SNX29: variants seen among roughly 807,000 people sequenced by gnomAD.
The protein encoded by SNX29 is sorting nexin 29.
A neutral mutation model predicts 102.1 loss-of-function variants in SNX29; 78 were observed. That is an observed-to-expected ratio of 0.76 (90% CI 0.64 to 0.92). SNX29 has a LOEUF of 0.92. Ranked by LOEUF, SNX29 falls within the 40% of genes least tolerant of loss-of-function variation. SNX29 has a pLI of 0.00. For synonymous variants in SNX29, 580 were observed against 414.5 expected (o/e 1.40, Z -4.85); for missense variants, 1,280 against 1,061.7 (o/e 1.21, Z -2.86).
At chr16:12,481,529 C>G (rs1204081605) in intron 19 of SNX29, among the ~76,000 whole-genome samples, 2 of 149,002 alleles carry the variant, frequency 1.3e-5, no homozygotes, top group Non-Finnish European at 3.0e-5. Flanking sequence ...CACACACACA[C>G]ACACACACAC....
At chr16:11,977,263 A>T (rs961523224) in intron 1 of SNX29, among the ~76,000 whole-genome samples, 14 of 152,034 alleles carry the variant, frequency 9.2e-5, no homozygotes, top group Non-Finnish European at 2.9e-5. Context: ...ACACAGGCAT[A>T]GTCTTTCTGG....
At chr16:12,486,786 C>A (rs1372872026) in intron 19 of SNX29, among the ~76,000 whole-genome samples, 1 of 152,216 alleles carries the variant, frequency 6.6e-6, no homozygotes, top group African/African-American at 2.4e-5. Context: ...CCGCCCACAC[C>A]CACCGCTCCA....
chr16:12,519,846 A>G (rs1487236675), intron 19 of SNX29, among the ~76,000 whole-genome samples: 1 of 152,070 alleles, frequency 6.6e-6, no homozygotes, highest in African/African-American at 2.4e-5. Context: ...TGTCTCTGTT[A>G]AAAATACAAA....
intron 18 of SNX29, among the ~76,000 whole-genome samples, chr16:12,409,585 C>T (rs558367517): frequency 1.2e-4 from 19 of 152,102 alleles, no homozygotes; most frequent in Admixed American, 4.6e-4. Flanking sequence ...CCTGTCACCA[C>T]GCCTGGCTAA....
At chr16:12,542,941 C>T (rs568126820) in intron 20 of SNX29, among the ~76,000 whole-genome samples, 4 of 152,164 alleles carry the variant, frequency 2.6e-5, no homozygotes, top group East Asian at 3.9e-4. Context: ...AGCCCTACTT[C>T]AAATTAGCTT....
intron 20 of SNX29, among the ~76,000 whole-genome samples, chr16:12,554,251 C>T (rs1032071689): frequency 2.0e-5 from 3 of 152,246 alleles, no homozygotes; most frequent in African/African-American, 4.8e-5. Flanking sequence ...GCTGCATCGT[C>T]TCTGCCTTTT....
Position 12,261,350 on chromosome 16 carries a change from C to G in SNX29, c.1679-16583C>G, listed in dbSNP as rs1022653942. Among the ~76,000 whole-genome samples the G allele has an allele frequency of 2.1e-5, 3 of 140,378 alleles. 1 individual carries two copies. Among genetic ancestry groups the G allele is most frequent in the African/African-American group, 8.3e-5 (3 of 36,256 alleles). The allele number at this position is 140,378 out of a possible 152,430, so 92.1% of individuals were successfully genotyped here. A position where few individuals can be genotyped will look rare whatever the true frequency, so the allele number is the denominator to read the frequency against. The stretch of plus-strand genomic sequence containing the variant: ...TGAGCTCCGGTCTGTGCGTGCGTCC[C>G]TGGCTGGAGTGAGTGTTTGCTGAGC... On this transcript the variant is annotated intron_variant, in intron 14 of 20. Transcript: ENST00000566228.
At chr16:12,140,551 C>T (rs537808631) in intron 13 of SNX29, among the ~76,000 whole-genome samples, 1 of 152,156 alleles carries the variant, frequency 6.6e-6, no homozygotes, top group Non-Finnish European at 1.5e-5. Flanking sequence ...TGAGGTGCAG[C>T]CTGCAGATGT....
intron 18 of SNX29, among the ~76,000 whole-genome samples, chr16:12,412,712 T>G (rs750222327): frequency 3.3e-5 from 5 of 152,272 alleles, no homozygotes; most frequent in Non-Finnish European, 7.3e-5. Flanking sequence ...TTCAGAATTA[T>G]AATTTTTTAC....
intron 11 of SNX29, 74 bp downstream of exon 11, chr16:12,078,989 G>A (rs1021915694): frequency 4.5e-6 from 6 of 1,323,708 alleles, no homozygotes; most frequent in African/African-American, 4.4e-5. Flanking sequence ...GTGCCTTTGT[G>A]CTTCTAACCC....
chr16:12,353,672 C>T (rs2082055387), intron 15 of SNX29, among the ~76,000 whole-genome samples: 1 of 152,166 alleles, frequency 6.6e-6, no homozygotes, highest in Admixed American at 6.5e-5. Context: ...TCCTTGTCTC[C>T]AGGGTGACCT....
intron 20 of SNX29, among the ~76,000 whole-genome samples, chr16:12,561,965 C>T (rs2078749299): frequency 1.3e-5 from 2 of 152,142 alleles, no homozygotes; most frequent in South Asian, 2.1e-4. Context: ...GGCATGATGT[C>T]CCCAGAGTGT....
At chr16:12,468,757 T>C (rs1438968015) in intron 18 of SNX29, among the ~76,000 whole-genome samples, 2 of 152,206 alleles carry the variant, frequency 1.3e-5, no homozygotes, top group African/African-American at 4.8e-5. Context: ...GAACACGCAG[T>C]TCTGCCTGGG....
intron 11 of SNX29, among the ~76,000 whole-genome samples, chr16:12,118,076 G>A (rs1463032092): frequency 1.3e-5 from 2 of 151,994 alleles, no homozygotes; most frequent in African/African-American, 4.8e-5. Context: ...CAGCCTGGGC[G>A]ACAGAGCGAG....
At chr16:12,447,447 A>C (rs1430270896) in intron 18 of SNX29, among the ~76,000 whole-genome samples, 1 of 152,172 alleles carries the variant, frequency 6.6e-6, no homozygotes, top group Non-Finnish European at 1.5e-5. Context: ...CTCAATCAGT[A>C]CTTTCTGGAT....
chr16:12,352,849 T>G (rs184261927), intron 15 of SNX29, among the ~76,000 whole-genome samples: 2 of 152,312 alleles, frequency 1.3e-5, no homozygotes, highest in African/African-American at 4.8e-5. Flanking sequence ...TCAAATGGCA[T>G]CTCCTCCTTA....
At chr16:12,431,436 T>TCTTCTTCTTCTTC (rs1225796440) in intron 18 of SNX29, among the ~76,000 whole-genome samples, 1 of 146,036 alleles carries the variant, frequency 6.8e-6, no homozygotes, top group East Asian at 1.9e-4. Context: ...TTCTTCTTCT[T>TCTTCTTCTTCTTC]TTTTTTTTTT....
chr16:12,485,168 G>C (rs537001988), intron 19 of SNX29, among the ~76,000 whole-genome samples: 2 of 152,266 alleles, frequency 1.3e-5, no homozygotes, highest in Admixed American at 1.3e-4. Flanking sequence ...AATATTTTTT[G>C]CAGAGTGGGC....
chr16:12,539,690 A>G (rs1019953487), intron 20 of SNX29, among the ~76,000 whole-genome samples: 3 of 152,248 alleles, frequency 2.0e-5, no homozygotes, highest in Admixed American at 6.5e-5. Context: ...CACCCTGGGC[A>G]GCATGTCATA....
Sources: gnomAD v4.1 joint callset for allele counts (sites outside exome capture counted in the v4.1 genomes callset) on GRCh38, gnomAD v4.1.1 for gene constraint, MANE v1.5 for transcripts, NCBI Gene and HGNC (gene_info 2026-07-23, HGNC 2026-07-21) for gene names.